FAM13A: variants seen among roughly 807,000 people sequenced by gnomAD.
FAM13A encodes the protein family with sequence similarity 13 member A.
FAM13A carries 76 observed loss-of-function variants against 129.6 expected under a neutral mutation model. That is an observed-to-expected ratio of 0.59 (90% CI 0.49 to 0.71). FAM13A has a LOEUF of 0.71. FAM13A is among the 30% of genes least tolerant of loss of function. The probability of loss-of-function intolerance (pLI) is 0.00; values close to 1 mark genes in which losing one functional copy is unlikely to be tolerated. For missense variants in FAM13A, 1,108 were observed against 1,249.3 expected, an observed-to-expected ratio of 0.89 and a Z score of 1.70; for synonymous variants, 443 against 449.9, an observed-to-expected ratio of 0.98 and a Z score of 0.20.
chr4:88,844,237 CACAT>C (rs949832447), intron 7 of FAM13A, among the ~76,000 whole-genome samples: 20 of 152,244 alleles, frequency 1.3e-4, no homozygotes, highest in African/African-American at 4.8e-4. Context: ...AAAATATAAA[CACAT>C]ACTTTTTATG....
chr4:88,773,216 A>C (rs1721034584), intron 11 of FAM13A, among the ~76,000 whole-genome samples: 1 of 152,172 alleles, frequency 6.6e-6, no homozygotes, highest in Admixed American at 6.5e-5. Context: ...TTACACAAAT[A>C]TTCTGTAACA....
intron 1 of FAM13A, among the ~76,000 whole-genome samples, chr4:89,041,002 C>T (rs771122655): frequency 1.3e-5 from 2 of 152,138 alleles, no homozygotes; most frequent in African/African-American, 2.4e-5. Context: ...GCTTTTGGAC[C>T]CTTGGTCTTA....
At chr4:88,888,843 G>A (rs532710192) in intron 6 of FAM13A, among the ~76,000 whole-genome samples, 12 of 151,780 alleles carry the variant, frequency 7.9e-5, no homozygotes, top group Middle Eastern at 3.4e-3. Flanking sequence ...GGCTGAGGCA[G>A]GAGAATGCTG....
intron 6 of FAM13A, among the ~76,000 whole-genome samples, chr4:88,857,896 C>G (rs1738823112): frequency 6.6e-6 from 1 of 152,052 alleles, no homozygotes; most frequent in South Asian, 2.1e-4. Context: ...GACTAAGAAA[C>G]TAAATAATAG....
intron 4 of FAM13A, among the ~76,000 whole-genome samples, chr4:88,970,870 AC>A (rs1283918533): frequency 2.0e-5 from 3 of 152,216 alleles, no homozygotes; most frequent in Non-Finnish European, 4.4e-5. Flanking sequence ...AAATAATAAC[AC>A]AGTAGGAAAA....
At chr4:88,773,147 AC>A (rs541574403) in intron 11 of FAM13A, among the ~76,000 whole-genome samples, 1 of 152,192 alleles carries the variant, frequency 6.6e-6, no homozygotes. Flanking sequence ...TGACTCAAGA[AC>A]ATTGCTCCTG....
At chr4:88,809,872 T>C (rs796611264) in intron 7 of FAM13A, among the ~76,000 whole-genome samples, 3 of 125,350 alleles carry the variant, frequency 2.4e-5, no homozygotes, top group Admixed American at 7.7e-5. Flanking sequence ...GGTGGGCTTT[T>C]TTTTTTTTTC....
chr4:88,802,792 C>T (rs1432965114), intron 8 of FAM13A, among the ~76,000 whole-genome samples: 1 of 152,176 alleles, frequency 6.6e-6, no homozygotes. Context: ...CAGACACAGA[C>T]TCTGTCCTGT....
At chr4:88,849,941 A>G (rs1737273141) in intron 7 of FAM13A, among the ~76,000 whole-genome samples, 1 of 152,178 alleles carries the variant, frequency 6.6e-6, no homozygotes, top group Non-Finnish European at 1.5e-5. Flanking sequence ...GCATATCTAC[A>G]ATACTCTTGT....
At chr4:88,878,017 G>A (rs1742850917) in intron 6 of FAM13A, among the ~76,000 whole-genome samples, 1 of 151,996 alleles carries the variant, frequency 6.6e-6, no homozygotes, top group Non-Finnish European at 1.5e-5. Context: ...GGCTGGGCGC[G>A]GTGGCTCACG....
At chr4:88,952,280 T>C (rs1001536412) in intron 4 of FAM13A, among the ~76,000 whole-genome samples, 1 of 151,934 alleles carries the variant, frequency 6.6e-6, no homozygotes, top group Admixed American at 6.6e-5. Flanking sequence ...AAGAAACACA[T>C]GTTCTTCACC....
intron 4 of FAM13A, among the ~76,000 whole-genome samples, chr4:88,956,845 T>C (rs1156598286): frequency 3.9e-5 from 6 of 152,194 alleles, no homozygotes; most frequent in Non-Finnish European, 5.9e-5. Flanking sequence ...TGTGATTATA[T>C]TGAGCTTATA....
At chr4:88,929,613 G>A (rs572818890) in intron 5 of FAM13A, among the ~76,000 whole-genome samples, 67 of 151,694 alleles carry the variant, frequency 4.4e-4, no homozygotes, top group Middle Eastern at 3.4e-3. Context: ...TGTCTGACTG[G>A]ATTATTTCAA....
intron 7 of FAM13A, among the ~76,000 whole-genome samples, chr4:88,827,169 T>C (rs1733148199): frequency 6.6e-6 from 1 of 152,216 alleles, no homozygotes; most frequent in African/African-American, 2.4e-5. Context: ...TCTCCTACTC[T>C]TGACTTTTCT....
At chr4:88,884,391 A>G (rs1031738477) in intron 6 of FAM13A, among the ~76,000 whole-genome samples, 1 of 152,104 alleles carries the variant, frequency 6.6e-6, no homozygotes, top group Admixed American at 6.5e-5. Context: ...CAGAATTAAA[A>G]CCAGAAATCA....
At position 89,040,901 on chromosome 4, in the gene FAM13A, G is replaced by A. The variant is rs182752665; in HGVS notation, c.28-11252C>T. Among the ~76,000 whole-genome samples, 11 of 152,280 alleles carry A rather than the reference G, an allele frequency of 7.2e-5. 1 individual carries two copies. In the East Asian group the frequency reaches 1.7e-3, roughly 24 times the overall value. On this transcript the variant is annotated intron_variant, in intron 1 of 23. Transcript: ENST00000264344. ...TAATCAGCTGCCAGCAGAGGAACAC[G>A]GAAGGACTAGACTGGCTGAGTCTTC... is the stretch of plus-strand genomic sequence containing the variant.
chr4:88,941,943 C>T (rs1322742971), intron 4 of FAM13A, among the ~76,000 whole-genome samples: 2 of 152,116 alleles, frequency 1.3e-5, no homozygotes, highest in African/African-American at 4.8e-5. Flanking sequence ...CTCTTTATTT[C>T]TTCTTTTCTT....
intron 1 of FAM13A, among the ~76,000 whole-genome samples, chr4:89,051,935 C>G (rs149021529): frequency 6.6e-6 from 1 of 152,300 alleles, no homozygotes; most frequent in African/African-American, 2.4e-5. Flanking sequence ...CCCTAAGTCT[C>G]TAGGTGCTCC....
chr4:89,042,963 T>G (rs1417920325), intron 1 of FAM13A, among the ~76,000 whole-genome samples: 1 of 152,222 alleles, frequency 6.6e-6, no homozygotes, highest in Non-Finnish European at 1.5e-5. Context: ...TGTTATCACT[T>G]CTTCTGAAAC....
Sources: allele counts gnomAD v4.1 joint callset (sites outside exome capture counted in the v4.1 genomes callset), GRCh38; gene constraint gnomAD v4.1.1; transcripts MANE v1.5; gene names NCBI Gene and HGNC (gene_info 2026-07-23, HGNC 2026-07-21).